Variants in JAKMIP3 observed in about 807,000 individuals in gnomAD.
The protein encoded by JAKMIP3 is Janus kinase and microtubule interacting protein 3.
In JAKMIP3, 58 loss-of-function variants were observed where a neutral mutation model predicts 118.5. The observed-to-expected ratio is 0.49, with a 90% confidence interval of 0.40 to 0.61. JAKMIP3 has a LOEUF of 0.61. Ranked by LOEUF, JAKMIP3 falls within the 20% of genes least tolerant of loss-of-function variation. The probability of loss-of-function intolerance (pLI) is 0.00; values close to 1 mark genes in which losing one functional copy is unlikely to be tolerated. For missense variants in JAKMIP3, 950 were observed against 1,109.0 expected, an observed-to-expected ratio of 0.86 and a Z score of 2.04; for synonymous variants, 486 against 451.2, an observed-to-expected ratio of 1.08 and a Z score of -0.98.
At chr10:132,109,862 A>G (rs913042208) in intron 2 of JAKMIP3, among the ~76,000 whole-genome samples, 7 of 152,336 alleles carry the variant, frequency 4.6e-5, no homozygotes, top group African/African-American at 1.4e-4. Flanking sequence ...TTGATTTGCC[A>G]AACACTTGCA....
intron 11 of JAKMIP3, among the ~76,000 whole-genome samples, chr10:132,142,608 C>T (rs1004116017): frequency 3.9e-5 from 6 of 152,198 alleles, no homozygotes; most frequent in South Asian, 4.1e-4. Context: ...GTGTGGCTGG[C>T]GGGTGCCCTC....
rs369578262 is a variant in JAKMIP3, at chr10:132,075,851, T to C, written c.-138+9790T>C. 9.5e-4 allele frequency among the ~76,000 whole-genome samples: 145 copies of C among 152,360 alleles called. 12 individuals are homozygous for C. In the South Asian group the frequency reaches 0.029, roughly 31 times the overall value. On this transcript the variant is annotated intron_variant, in intron 1 of 23. Transcript: ENST00000684848. ...TGCTGTTTTGAGAATGCTTCGTTTC[T>C]TTGTGTAAATTCAGTTTCCATTTGA...
In JAKMIP3 at chr10:132,182,074, C is replaced by T. The variant is rs531499062; in HGVS notation, c.*1104-283C>T. On this transcript the variant is annotated intron_variant, in intron 23 of 23. Coordinates refer to ENST00000684848, the MANE Select transcript of JAKMIP3 (RefSeq NM_001323087.2). ...TGGCCCAGACATGGTGAGAAAGATC[C>T]AAGGTCACTTCTGTAGGGGCTTTGT... Among the ~76,000 whole-genome samples, 25 of 152,370 alleles carry T rather than the reference C, an allele frequency of 1.6e-4. No individual in the cohort carries two copies. In the East Asian group the frequency reaches 2.5e-3, roughly 15 times the overall value.
At chr10:132,094,581 G>T (rs2043591122) in intron 1 of JAKMIP3, among the ~76,000 whole-genome samples, 1 of 152,154 alleles carries the variant, frequency 6.6e-6, no homozygotes, top group Non-Finnish European at 1.5e-5. Flanking sequence ...GGTACTGGGG[G>T]TTGTCTGCCC....
chr10:132,180,674 TGCGCGCGCGTGTGTGTGC>T (rs2061023333), intron 23 of JAKMIP3, among the ~76,000 whole-genome samples: 3 of 19,332 alleles, frequency 1.6e-4, no homozygotes, highest in Admixed American at 5.9e-4. Context: ...TGCGTGTGTG[TGCGCGCGCGTGTGTGTGC>T]GTGCGTGTGT....
chr10:132,106,182 G>A (rs1406016313), intron 2 of JAKMIP3, among the ~76,000 whole-genome samples: 1 of 150,032 alleles, frequency 6.7e-6, no homozygotes, highest in Non-Finnish European at 1.5e-5. Flanking sequence ...AAAAAAAAAT[G>A]GACACATTAC....
intron 1 of JAKMIP3, among the ~76,000 whole-genome samples, chr10:132,041,671 G>A (rs2037755613): frequency 6.6e-6 from 1 of 152,162 alleles, no homozygotes; most frequent in Admixed American, 6.5e-5. Context: ...TAGCACGCTG[G>A]CCCCGTGGCC....
chr10:132,146,504 TACC>T (rs2054635710), intron 13 of JAKMIP3, among the ~76,000 whole-genome samples: 1 of 151,984 alleles, frequency 6.6e-6, no homozygotes, highest in Non-Finnish European at 1.5e-5. Context: ...GGGCTGTCAT[TACC>T]ACGCACAGGT....
chr10:132,137,741 C>A (rs775342829), intron 8 of JAKMIP3, among the ~76,000 whole-genome samples: 1 of 152,232 alleles, frequency 6.6e-6, no homozygotes, highest in Non-Finnish European at 1.5e-5. Flanking sequence ...CCAGTCCCCA[C>A]ACAGATGTGG....
Position 132,148,191 on chromosome 10 carries a change from C to T in JAKMIP3, c.1848+141C>T, listed in dbSNP as rs186245628. The T allele has an allele frequency of 1.4e-3, 775 of 569,570 alleles. 5 individuals are homozygous for T. The highest frequency in any genetic ancestry group is 4.0e-3 in the African/African-American group (210 of 52,958). 35.3% of individuals were successfully genotyped at this position (569,570 alleles called of 1,614,324 possible). A position where few individuals can be genotyped will look rare whatever the true frequency, so the allele number is the denominator to read the frequency against. ...AAGGCTGCGTCAGGGAGGAAAGAGG[C>T]AAATGGCCGTAAACCGCCACCTCTT... On this transcript the variant is annotated intron_variant, in intron 14 of 23. Transcript: ENST00000684848.
upstream of JAKMIP3, among the ~76,000 whole-genome samples, chr10:132,060,447 A>G (rs1158206457): frequency 2.6e-5 from 4 of 152,156 alleles, no homozygotes; most frequent in Non-Finnish European, 4.4e-5. Context: ...TACAATTTTA[A>G]AAAAATGGAC....
chr10:132,129,707 G>A (rs1475659614), intron 3 of JAKMIP3, among the ~76,000 whole-genome samples: 4 of 152,140 alleles, frequency 2.6e-5, no homozygotes, highest in South Asian at 2.1e-4. Context: ...GGGCTGTGAC[G>A]CTGTGTGTCC....
At chr10:132,076,697 C>T (rs2040844411) in intron 1 of JAKMIP3, among the ~76,000 whole-genome samples, 2 of 150,604 alleles carry the variant, frequency 1.3e-5, no homozygotes, top group African/African-American at 4.9e-5. Context: ...CCTGCGGTGG[C>T]CCCGGGTCTT....
intron 11 of JAKMIP3, among the ~76,000 whole-genome samples, chr10:132,143,495 C>T (rs563419943): frequency 6.6e-6 from 1 of 152,190 alleles, no homozygotes; most frequent in Admixed American, 6.5e-5. Flanking sequence ...CACATGGAAG[C>T]AAAGAACTCA....
chr10:132,058,669 G>A (rs1375283287), intron 1 of JAKMIP3, among the ~76,000 whole-genome samples: 1 of 152,238 alleles, frequency 6.6e-6, no homozygotes, highest in Non-Finnish European at 1.5e-5. Flanking sequence ...GATCAAAAAA[G>A]TCAGTTACCC....
chr10:132,081,096 C>T (rs2041709610), intron 1 of JAKMIP3, among the ~76,000 whole-genome samples: 3 of 151,998 alleles, frequency 2.0e-5, no homozygotes, highest in Admixed American at 2.0e-4. Flanking sequence ...ATGTTTAGGT[C>T]TTTGATCCAT....
At chr10:132,073,277 C>T (rs1270544442) in intron 1 of JAKMIP3, among the ~76,000 whole-genome samples, 1 of 152,180 alleles carries the variant, frequency 6.6e-6, no homozygotes, top group Non-Finnish European at 1.5e-5. Flanking sequence ...GCTCTGCCTC[C>T]CAGGTTCATG....
chr10:132,172,400 G>T (rs1429926564), intron 23 of JAKMIP3, among the ~76,000 whole-genome samples: 1 of 151,950 alleles, frequency 6.6e-6, no homozygotes, highest in Non-Finnish European at 1.5e-5. Context: ...GTGTACTGGG[G>T]GAGATTCGCC....
chr10:132,041,102 A>T (rs1237602712), intron 1 of JAKMIP3, among the ~76,000 whole-genome samples: 1 of 152,018 alleles, frequency 6.6e-6, no homozygotes, highest in Non-Finnish European at 1.5e-5. Context: ...CCCAGGCTGG[A>T]TGGAGTACAG....
Sources: gnomAD v4.1 joint callset for allele counts (sites outside exome capture counted in the v4.1 genomes callset) on GRCh38, gnomAD v4.1.1 for gene constraint, MANE v1.5 for transcripts, NCBI Gene and HGNC (gene_info 2026-07-23, HGNC 2026-07-21) for gene names.